The following PCDH11X variants were observed in gnomAD, a reference collection of about 807,000 sequenced individuals.
PCDH11X encodes the protein protocadherin-11 X-linked.
A neutral mutation model predicts 53.3 loss-of-function variants in PCDH11X; 18 were observed. The ratio of observed to expected loss-of-function variants is 0.34; its 90% CI spans 0.23 to 0.50. The LOEUF is 0.50. Among genes scored for constraint, PCDH11X ranks in the 20% least tolerant of loss-of-function variants. The pLI is 0.98. For missense variants in PCDH11X, 570 were observed against 1,032.4 expected (o/e 0.55, Z 6.14); for synonymous variants, 279 against 393.3 (o/e 0.71, Z 3.44).
At chrX:92,418,116 C>G (rs1043304980) in intron 9 of PCDH11X, among the ~76,000 whole-genome samples, 1 of 106,016 alleles carries the variant, frequency 9.4e-6, no homozygotes, top group Non-Finnish European at 1.9e-5. Context: ...CAAGCTAGGT[C>G]TCTTCTCTAT....
intron 6 of PCDH11X, among the ~76,000 whole-genome samples, chrX:91,935,610 G>A (rs889564279): frequency 6.5e-5 from 7 of 107,356 alleles, no homozygotes; most frequent in African/African-American, 2.4e-4. Context: ...AAACCAAAAA[G>A]TACCTGAGAC....
At chrX:92,331,289 T>C (rs12859100) in intron 8 of PCDH11X, among the ~76,000 whole-genome samples, 1 of 81,886 alleles carries the variant, frequency 1.2e-5, no homozygotes, top group Non-Finnish European at 2.2e-5. Context: ...TTTCTTCTTC[T>C]TCTTCTTCTT....
chrX:92,412,553 A>ATATG (rs1321206845), intron 9 of PCDH11X, among the ~76,000 whole-genome samples: 1 of 89,858 alleles, frequency 1.1e-5, no homozygotes, highest in Non-Finnish European at 2.3e-5. Context: ...ATATATATAT[A>ATATG]TAGATAAAGA....
chrX:92,170,828 G>T (rs1603101425), intron 6 of PCDH11X, among the ~76,000 whole-genome samples: 1 of 93,688 alleles, frequency 1.1e-5, no homozygotes, highest in East Asian at 3.5e-4. Context: ...TCTCACTCTT[G>T]TCCCCCAGGC....
chrX:92,198,234 AAAAAAAAAAAG>A (rs1329135537), intron 6 of PCDH11X, among the ~76,000 whole-genome samples: 1 of 103,359 alleles, frequency 9.7e-6, no homozygotes, highest in Non-Finnish European at 2.0e-5. Context: ...TGTCTCTACA[AAAAAAAAAAAG>A]AAAAAAAATA....
chrX:91,859,122 C>T (rs370219740), intron 5 of PCDH11X, among the ~76,000 whole-genome samples: 4 of 110,898 alleles, frequency 3.6e-5, no homozygotes, highest in East Asian at 2.9e-4. Context: ...ACAGCCTGGC[C>T]GGAATCTGTA....
At chrX:92,170,548 C>T (rs1390315610) in intron 6 of PCDH11X, among the ~76,000 whole-genome samples, 1 of 110,020 alleles carries the variant, frequency 9.1e-6, no homozygotes, top group African/African-American at 3.3e-5. Context: ...AGAATTTTAC[C>T]ATGGACACCA....
chrX:92,178,923 C>G (rs990686847), intron 6 of PCDH11X, among the ~76,000 whole-genome samples: 7 of 111,853 alleles, frequency 6.3e-5, no homozygotes, highest in Admixed American at 9.6e-5. Context: ...GGACATTATT[C>G]ACTGTCATTA....
intron 8 of PCDH11X, among the ~76,000 whole-genome samples, chrX:92,269,843 A>G (rs749236304): frequency 9.0e-6 from 1 of 111,470 alleles, no homozygotes; most frequent in South Asian, 3.8e-4. Flanking sequence ...TCCTTGCTAT[A>G]ATTAATTACA....
At chrX:91,840,097 C>T (rs1937468918) in intron 5 of PCDH11X, among the ~76,000 whole-genome samples, 1 of 110,891 alleles carries the variant, frequency 9.0e-6, no homozygotes, top group Non-Finnish European at 1.9e-5. Context: ...ATAGAAACAT[C>T]CCTCAAGCAC....
In PCDH11X at chrX:92,304,013, T is replaced by C. The variant is rs555111096; in HGVS notation, c.3144+40870T>C. On this transcript the variant is annotated intron_variant, in intron 8 of 10. Coordinates refer to ENST00000682573, the MANE Select transcript of PCDH11X (RefSeq NM_032968.5). Reference sequence around the variant, plus strand: ...GTGGAGTGGGAAATTCTGTCAACAATAATGCTTAGAGAAGACAAACAAGTA... The same window carrying C: ...GTGGAGTGGGAAATTCTGTCAACAACAATGCTTAGAGAAGACAAACAAGTA... Among the ~76,000 whole-genome samples, 21 of 109,657 alleles carry C rather than the reference T, an allele frequency of 1.9e-4. 1 individual carries two copies. In the South Asian group the frequency reaches 7.3e-3, roughly 38 times the overall value.
chrX:92,269,522 C>T (rs904404041), intron 8 of PCDH11X, among the ~76,000 whole-genome samples: 3 of 111,088 alleles, frequency 2.7e-5, no homozygotes, highest in African/African-American at 9.8e-5. Context: ...CCTGAATTAC[C>T]AGCAGATTAC....
At chrX:92,440,691 CTTCT>C (rs935526816) in intron 9 of PCDH11X, among the ~76,000 whole-genome samples, 1 of 110,614 alleles carries the variant, frequency 9.0e-6, no homozygotes, top group Non-Finnish European at 1.9e-5. Context: ...GTCCAGTAAG[CTTCT>C]TTCTTCTGTA....
chrX:92,256,259 C>T, intron 7 of PCDH11X, among the ~76,000 whole-genome samples: 1 of 111,840 alleles, frequency 8.9e-6, no homozygotes, highest in Non-Finnish European at 1.9e-5. Context: ...TCCCTGACCC[C>T]TTGCACTTCC....
chrX:92,171,091 C>T (rs972580110), intron 6 of PCDH11X, among the ~76,000 whole-genome samples: 2 of 104,316 alleles, frequency 1.9e-5, no homozygotes, highest in Non-Finnish European at 3.9e-5. Flanking sequence ...CAGTGCAAGC[C>T]GCTGTGTCGG....
intron 6 of PCDH11X, among the ~76,000 whole-genome samples, chrX:92,141,008 G>A (rs1270847740): frequency 9.0e-6 from 1 of 111,388 alleles, no homozygotes; most frequent in East Asian, 2.8e-4. Context: ...AATTTTACAT[G>A]GGGATGGGAC....
chrX:92,374,544 C>CT lies in PCDH11X; in HGVS notation c.3145-13183dup, dbSNP rs1262251293. ...ATACTTTAGAATATCAATGAAAAGTCTTTTTTTTCCTCCTAACAAATGAAT... is the reference window on the plus strand; with the variant it reads ...ATACTTTAGAATATCAATGAAAAGTCTTTTTTTTTCCTCCTAACAAATGAAT... On this transcript the variant is annotated intron_variant, in intron 8 of 10. Transcript: ENST00000682573. Among the ~76,000 whole-genome samples the CT allele has an allele frequency of 4.6e-5, 5 of 108,322 alleles. No homozygotes were observed. The South Asian group carries it at 1.2e-3, about 26-fold the overall frequency. 94.1% of individuals were successfully genotyped at this position (108,322 alleles called of 115,157 possible).
chrX:91,836,784 G>A (rs1937318030), intron 5 of PCDH11X, among the ~76,000 whole-genome samples: 1 of 111,162 alleles, frequency 9.0e-6, no homozygotes, highest in African/African-American at 3.3e-5. Context: ...TCTTAGGATG[G>A]AGAAGTTAGA....
At chrX:92,482,932 A>G (rs181929484) in intron 10 of PCDH11X, among the ~76,000 whole-genome samples, 7 of 111,144 alleles carry the variant, frequency 6.3e-5, no homozygotes, top group Non-Finnish European at 1.3e-4. Context: ...CATCCATGGG[A>G]ACAGTATATT....
Sources: allele counts gnomAD v4.1 joint callset (sites outside exome capture counted in the v4.1 genomes callset), GRCh38; gene constraint gnomAD v4.1.1; transcripts MANE v1.5; gene names NCBI Gene and HGNC (gene_info 2026-07-23, HGNC 2026-07-21).